The following MAPK14 variants were observed in gnomAD, a reference collection of about 807,000 sequenced individuals.
MAPK14 encodes mitogen-activated protein kinase 14.
In MAPK14, 16 loss-of-function variants were observed where a neutral mutation model predicts 49.6. That is an observed-to-expected ratio of 0.32 (90% CI 0.22 to 0.49). The LOEUF is 0.49. Ranked by LOEUF, MAPK14 falls within the 20% of genes least tolerant of loss-of-function variation. The pLI, the probability that MAPK14 is intolerant of heterozygous loss-of-function variation, is 0.99. For missense variants in MAPK14, 200 were observed against 441.2 expected (o/e 0.45, Z 4.90); for synonymous variants, 142 against 158.0 (o/e 0.90, Z 0.76).
chr6:36,087,823 G>A (rs999638796), intron 8 of MAPK14, among the ~76,000 whole-genome samples: 5 of 152,090 alleles, frequency 3.3e-5, no homozygotes, highest in African/African-American at 1.2e-4. Context: ...AGTCCATATA[G>A]CCCAAACAAT....
Position 36,108,779 on chromosome 6 carries a change from A to G in MAPK14, c.*332A>G, listed in dbSNP as rs200181993. On this transcript the variant is annotated 3_prime_UTR_variant, in exon 12 of 12. Coordinates refer to ENST00000229794, the MANE Select transcript of MAPK14 (RefSeq NM_139012.3). ...TTAGGAATATGTTCAATGCAAAGTA[A>G]AAAAATATGAATTGTCCCCAATCCC... 14 of 278,958 alleles carry G rather than the reference A, an allele frequency of 5.0e-5. No homozygotes were observed. The highest frequency in any genetic ancestry group is 7.0e-5 in the Non-Finnish European group (10 of 143,634). The allele number at this position is 278,958 out of a possible 1,614,324, so 17.3% of individuals were successfully genotyped here.
chr6:36,080,801 C>T (rs969357550), intron 8 of MAPK14, among the ~76,000 whole-genome samples: 5 of 151,974 alleles, frequency 3.3e-5, no homozygotes, highest in African/African-American at 7.3e-5. Context: ...CACCATTTTA[C>T]ATGCCCACCA....
downstream of MAPK14, among the ~76,000 whole-genome samples, chr6:36,113,991 T>C (rs1001279636): frequency 6.6e-6 from 1 of 152,218 alleles, no homozygotes; most frequent in Non-Finnish European, 1.5e-5. Context: ...GGGTGTATTT[T>C]AAGGATCTTA....
intron 3 of MAPK14, among the ~76,000 whole-genome samples, chr6:36,069,438 G>C (rs1379774484): frequency 6.6e-6 from 1 of 152,048 alleles, no homozygotes; most frequent in African/African-American, 2.4e-5. Flanking sequence ...TTGGTCTTTG[G>C]GCCTCCTGGA....
At chr6:36,038,132 T>C (rs1762822505) in intron 1 of MAPK14, among the ~76,000 whole-genome samples, 2 of 151,498 alleles carry the variant, frequency 1.3e-5, no homozygotes. Context: ...GGAGAGTGAG[T>C]GCTAGGATGG....
intron 9 of MAPK14, chr6:36,100,243 C>T (rs1205924564): frequency 6.2e-7 from 1 of 1,613,658 alleles, no homozygotes; most frequent in African/African-American, 1.3e-5. Context: ...CCGCTTATCT[C>T]ATTAACAGGA....
chr6:36,057,867 G>A (rs1267042265), intron 2 of MAPK14, among the ~76,000 whole-genome samples: 3 of 152,188 alleles, frequency 2.0e-5, no homozygotes, highest in Non-Finnish European at 4.4e-5. Flanking sequence ...TGCTAGTGAG[G>A]CCACAGTCTT....
At chr6:36,121,537 C>G in the MAPK14 span, among the ~76,000 whole-genome samples, 6 of 152,146 alleles carry the variant, frequency 3.9e-5, no homozygotes, top group East Asian at 1.2e-3. Flanking sequence ...CAGGGAGAAG[C>G]TGTTTGTCAG....
downstream of MAPK14, among the ~76,000 whole-genome samples, chr6:36,111,720 G>A (rs1765976348): frequency 6.6e-6 from 1 of 152,116 alleles, no homozygotes; most frequent in Admixed American, 6.5e-5. Flanking sequence ...GGTGTCCCAG[G>A]GTGGATTGTG....
At chr6:36,118,807 A>G in the MAPK14 span, among the ~76,000 whole-genome samples, 1 of 152,164 alleles carries the variant, frequency 6.6e-6, no homozygotes, top group Admixed American at 6.5e-5. Context: ...ATCTGGAGGC[A>G]AACAGCCGAG....
At chr6:36,086,082 G>A (rs745621451) in intron 8 of MAPK14, among the ~76,000 whole-genome samples, 8 of 152,068 alleles carry the variant, frequency 5.3e-5, no homozygotes, top group South Asian at 2.1e-4. Flanking sequence ...AAATTAAGGC[G>A]GAAATCAGAA....
Position 36,096,856 on chromosome 6 carries a change from C to G in MAPK14, c.762+790C>G, listed in dbSNP as rs548478048. The stretch of plus-strand genomic sequence containing the variant: ...CTTACTTTTGCTATGATTTCCTGCT[C>G]TTGGTCATTTTCTTGGGCCAGAGGC... On this transcript the variant is annotated intron_variant, in intron 9 of 11. Coordinates refer to ENST00000229794, the MANE Select transcript of MAPK14 (RefSeq NM_139012.3). 1.6e-4 allele frequency: 25 copies of G among 152,340 alleles called. No homozygotes were observed. In the East Asian group the frequency reaches 4.6e-3, roughly 28 times the overall value. The allele number at this position is 152,340 out of a possible 1,614,324, so 9.4% of individuals were successfully genotyped here.
rs567981168 is a variant in MAPK14 at position 36,108,965 on chromosome 6, A to C, written c.*518A>C. On this transcript the variant is annotated 3_prime_UTR_variant, in exon 12 of 12. Transcript: ENST00000229794. ...TGATACGTACAGCCAAAAAGGACCAACTGGCTTCTGTGCACTAGCCTGTGA... is the reference window on the plus strand; with the variant it reads ...TGATACGTACAGCCAAAAAGGACCACCTGGCTTCTGTGCACTAGCCTGTGA... 1.3e-5 allele frequency: 2 copies of C among 158,332 alleles called. No individual in the cohort carries two copies. Among genetic ancestry groups the C allele is most frequent in the African/African-American group, 4.8e-5 (2 of 41,516 alleles). 9.8% of individuals were successfully genotyped at this position (158,332 alleles called of 1,614,324 possible).
intron 8 of MAPK14, chr6:36,092,089 G>T: frequency 2.0e-6 from 1 of 501,956 alleles, no homozygotes; most frequent in Non-Finnish European, 4.0e-6. Flanking sequence ...ATGTTTTTCA[G>T]CTACGAGAGC....
At chr6:36,102,387 G>A (rs1765667151) in intron 9 of MAPK14, among the ~76,000 whole-genome samples, 184 bp from the exon 10 acceptor site, 2 of 114,418 alleles carry the variant, frequency 1.7e-5, no homozygotes, top group Non-Finnish European at 3.6e-5. Context: ...AATAAAGAAG[G>A]TGATGATCAT....
intron 8 of MAPK14, among the ~76,000 whole-genome samples, chr6:36,084,539 A>G (rs914839591): frequency 1.3e-5 from 2 of 152,242 alleles, no homozygotes; most frequent in Non-Finnish European, 2.9e-5. Flanking sequence ...TGAGAACTTC[A>G]TAATGCAACC....
intron 10 of MAPK14, among the ~76,000 whole-genome samples, chr6:36,106,166 G>T (rs1488861144): frequency 6.6e-6 from 1 of 152,148 alleles, no homozygotes; most frequent in Non-Finnish European, 1.5e-5. Context: ...AGCATCACCT[G>T]TATTTTTGCT....
downstream of MAPK14, among the ~76,000 whole-genome samples, chr6:36,114,900 G>A (rs1336184867): frequency 6.6e-6 from 1 of 152,180 alleles, no homozygotes; most frequent in African/African-American, 2.4e-5. Context: ...TGTGCCTGGT[G>A]TGTTGTCGAC....
intron 7 of MAPK14, 47 bp from the exon 8 acceptor site, chr6:36,076,490 G>GT (rs1232166830): frequency 7.3e-7 from 1 of 1,369,184 alleles, no homozygotes; most frequent in Non-Finnish European, 1.0e-6. Context: ...GCCAAGAATT[G>GT]TAACAGTGAC....
Sources: gnomAD v4.1 joint callset for allele counts (sites outside exome capture counted in the v4.1 genomes callset) on GRCh38, gnomAD v4.1.1 for gene constraint, MANE v1.5 for transcripts, NCBI Gene and HGNC (gene_info 2026-07-23, HGNC 2026-07-21) for gene names.